BTRC: variants seen among roughly 807,000 people sequenced by gnomAD.
The protein encoded by BTRC is F-box/WD repeat-containing protein 1A.
BTRC carries 42 observed loss-of-function variants against 85.5 expected under a neutral mutation model. The ratio of observed to expected loss-of-function variants is 0.49; its 90% CI spans 0.38 to 0.64. The LOEUF is 0.64. BTRC is among the 30% of genes least tolerant of loss of function. The pLI is 0.00. For synonymous variants in BTRC, 255 were observed against 263.3 expected (o/e 0.97, Z 0.30); for missense variants, 594 against 743.5 (o/e 0.80, Z 2.34).
intron 2 of BTRC, among the ~76,000 whole-genome samples, chr10:101,438,909 T>A (rs1405812729): frequency 6.6e-6 from 1 of 152,166 alleles, no homozygotes; most frequent in Non-Finnish European, 1.5e-5. Flanking sequence ...CTGGTTCAAT[T>A]CCAGTAGTCC....
chr10:101,404,703 C>T (rs1943576929), intron 1 of BTRC, among the ~76,000 whole-genome samples: 1 of 151,910 alleles, frequency 6.6e-6, no homozygotes, highest in Non-Finnish European at 1.5e-5. Context: ...GTTCAGTTCT[C>T]AAAGTCTATG....
At chr10:101,375,761 T>C (rs1325646426) in intron 1 of BTRC, among the ~76,000 whole-genome samples, 2 of 152,250 alleles carry the variant, frequency 1.3e-5, no homozygotes, top group African/African-American at 2.4e-5. Flanking sequence ...GAATGCATGT[T>C]AAAATGTAGT....
At chr10:101,378,716 GGT>G (rs1942854761) in intron 1 of BTRC, among the ~76,000 whole-genome samples, 2 of 151,834 alleles carry the variant, frequency 1.3e-5, no homozygotes, top group Non-Finnish European at 2.9e-5. Context: ...GTGGAGATGG[GGT>G]TTCACCATGT....
intron 3 of BTRC, among the ~76,000 whole-genome samples, chr10:101,467,587 G>A (rs1415287086): frequency 2.6e-5 from 4 of 151,826 alleles, no homozygotes; most frequent in Non-Finnish European, 5.9e-5. Flanking sequence ...ACTTTCGTTT[G>A]GGGTTTGCAT....
rs563321654 is a variant in BTRC, at chr10:101,393,535, A to G, written c.49-36810A>G. Among the ~76,000 whole-genome samples the G allele has an allele frequency of 1.8e-3, 280 of 152,358 alleles. 2 individuals carry two copies. The highest frequency in any genetic ancestry group is 3.4e-3 in the Middle Eastern group (1 of 294). On this transcript the variant is annotated intron_variant, in intron 1 of 14. Transcript: ENST00000370187. ...CAAGAATGCTAGGACATACAGGGAC[A>G]CATAATTCATCAGTCCTGTCAAAGT...
At chr10:101,472,288 T>TCTTCTCTTCTCTTCTCTTCTCTTCC (rs1945549688) in intron 3 of BTRC, among the ~76,000 whole-genome samples, 1 of 146,928 alleles carries the variant, frequency 6.8e-6, no homozygotes, top group Non-Finnish European at 1.5e-5. Context: ...TCTTCTCTTC[T>TCTTCTCTTCTCTTCTCTTCTCTTCC]CTTCTCTTCT....
chr10:101,452,665 A>G (rs1284767027), intron 2 of BTRC, among the ~76,000 whole-genome samples: 2 of 152,132 alleles, frequency 1.3e-5, no homozygotes, highest in Admixed American at 1.3e-4. Flanking sequence ...GTCCCAGAGA[A>G]TGTTGTCCAT....
At chr10:101,482,027 C>CT (rs1945847334) in intron 4 of BTRC, among the ~76,000 whole-genome samples, 1 of 151,824 alleles carries the variant, frequency 6.6e-6, no homozygotes, top group African/African-American at 2.4e-5. Flanking sequence ...AAAGGTTTTC[C>CT]TTTTTTTTGT....
chr10:101,534,774 C>G lies in BTRC; in HGVS notation c.1211C>G (p.Ser404Cys). 2 of 1,614,182 alleles carry G rather than the reference C, an allele frequency of 1.2e-6. No homozygotes were observed. The highest frequency in any genetic ancestry group is 8.5e-7 in the Non-Finnish European group (1 of 1,180,032). Residue 404 changes from serine to cysteine, a missense_variant, in exon 10 of 15, where the codon TCC (serine) becomes TGC (cysteine). By Grantham distance (112) the Ser-to-Cys change is moderately radical. Transcript: ENST00000370187. Reference sequence around the variant, plus strand: ...ATGGTGACCTGCTCCAAAGATCGTTCCATTGCTGTATGGGATATGGCCTCC... The same window carrying G: ...ATGGTGACCTGCTCCAAAGATCGTTGCATTGCTGTATGGGATATGGCCTCC... The part of the protein sequence containing the change: ...GMMVTCSKDR[S>C]IAVWDMASPT...
chr10:101,542,720 C>T (rs1054799964), intron 13 of BTRC, among the ~76,000 whole-genome samples: 12 of 152,032 alleles, frequency 7.9e-5, no homozygotes, highest in African/African-American at 2.7e-4. Context: ...CACAGGCGTG[C>T]GCCACCACGT....
intron 1 of BTRC, among the ~76,000 whole-genome samples, chr10:101,355,215 G>A (rs1942000227): frequency 1.3e-5 from 2 of 152,144 alleles, no homozygotes; most frequent in African/African-American, 4.8e-5. Context: ...CCCATAAGAA[G>A]TGATGAGATC....
intron 4 of BTRC, among the ~76,000 whole-genome samples, chr10:101,489,408 A>G (rs1170547406): frequency 6.6e-6 from 1 of 152,164 alleles, no homozygotes; most frequent in Non-Finnish European, 1.5e-5. Flanking sequence ...TTTTATTCTT[A>G]ATACTTGTAT....
chr10:101,519,717 C>T (rs2062075434), intron 4 of BTRC, among the ~76,000 whole-genome samples: 1 of 152,082 alleles, frequency 6.6e-6, no homozygotes, highest in African/African-American at 2.4e-5. Context: ...GGGGACCAGC[C>T]AGGTGCAGTG....
chr10:101,508,484 TATG>T (rs2134318310), intron 4 of BTRC, among the ~76,000 whole-genome samples: 1 of 152,282 alleles, frequency 6.6e-6, no homozygotes, highest in African/African-American at 2.4e-5. Context: ...CACTGAGAAA[TATG>T]ATGTTTACTT....
intron 4 of BTRC, among the ~76,000 whole-genome samples, chr10:101,507,088 T>G (rs1460381324): frequency 6.6e-6 from 1 of 152,224 alleles, no homozygotes; most frequent in East Asian, 1.9e-4. Context: ...TGTACTTGTT[T>G]CCTTGCATTG....
rs771010534 is a variant in BTRC, at chr10:101,430,387, G to A, written c.91G>A (p.Ala31Thr). The A allele has an allele frequency of 2.5e-6, 4 of 1,614,060 alleles. No individual in the cohort carries two copies. Among genetic ancestry groups the A allele is most frequent in the Admixed American group, 1.7e-5 (1 of 60,008 alleles). ...TCTGTGGCTGGGCTGCTCCAGCCTGGCGGACAGCATGCCTTCGCTGCGATG... is the reference window on the plus strand; with the variant it reads ...TCTGTGGCTGGGCTGCTCCAGCCTGACGGACAGCATGCCTTCGCTGCGATG... ...RSLWLGCSSL[A>T]DSMPSLRCLY... The change falls in exon 2 of 15, where the codon GCG becomes ACG. Residue 31 changes from alanine to threonine, a missense_variant. Physicochemically the swap from Ala to Thr is moderately conservative, Grantham distance 58 (BLOSUM62 0). Transcript: ENST00000370187.
intron 4 of BTRC, among the ~76,000 whole-genome samples, chr10:101,488,650 T>TAAAG (rs1370024530): frequency 6.6e-6 from 1 of 152,228 alleles, no homozygotes; most frequent in African/African-American, 2.4e-5. Context: ...TGTTAGTCTT[T>TAAAG]ACATATTAGA....
intron 7 of BTRC, 118 bp downstream of exon 7, chr10:101,531,451 C>A (rs1240468662): frequency 2.6e-6 from 2 of 755,232 alleles, no homozygotes; most frequent in East Asian, 2.9e-5. Context: ...GGGAATCAAT[C>A]TCTTAGCTGG....
intron 1 of BTRC, among the ~76,000 whole-genome samples, chr10:101,412,599 C>T (rs1943811693): frequency 1.3e-5 from 2 of 152,188 alleles, no homozygotes; most frequent in Admixed American, 6.5e-5. Context: ...ACTAGAAGTC[C>T]TCATATTACA....
Sources: gnomAD v4.1 joint callset for allele counts (sites outside exome capture counted in the v4.1 genomes callset) on GRCh38, gnomAD v4.1.1 for gene constraint, MANE v1.5 for transcripts, NCBI Gene and HGNC (gene_info 2026-07-23, HGNC 2026-07-21) for gene names.